Variants in RAF1 observed in about 807,000 individuals in gnomAD.
RAF1 encodes RAF proto-oncogene serine/threonine-protein kinase.
In RAF1, 27 loss-of-function variants were observed where a neutral mutation model predicts 81.1. The observed-to-expected ratio is 0.33, with a 90% confidence interval of 0.25 to 0.46. The LOEUF is 0.46. Among genes scored for constraint, RAF1 ranks in the 20% least tolerant of loss-of-function variants. The pLI is 1.00. For missense variants in RAF1, 598 were observed against 826.0 expected (o/e 0.72, Z 3.38); for synonymous variants, 298 against 294.0 (o/e 1.01, Z -0.14).
At chr3:12,612,469 T>A (rs918622251) in intron 2 of RAF1, among the ~76,000 whole-genome samples, 3 of 151,724 alleles carry the variant, frequency 2.0e-5, no homozygotes, top group Non-Finnish European at 4.4e-5. Flanking sequence ...GCCAACATGG[T>A]GAAACCCCGT....
chr3:12,649,520 G>C (rs1263849375), intron 1 of RAF1, among the ~76,000 whole-genome samples: 4 of 151,680 alleles, frequency 2.6e-5, no homozygotes, highest in African/African-American at 9.7e-5. Flanking sequence ...GATCACTTGA[G>C]CACAGGAGTT....
chr3:12,618,892 A>G (rs772036331), intron 1 of RAF1, 145 bp from the exon 2 acceptor site: 20 of 674,664 alleles, frequency 3.0e-5, no homozygotes, highest in Non-Finnish European at 4.4e-5. Flanking sequence ...AGTTTCTTTA[A>G]TAGTACACTT....
intron 8 of RAF1, among the ~76,000 whole-genome samples, chr3:12,601,293 T>A (rs914041205): frequency 1.3e-5 from 2 of 152,114 alleles, no homozygotes; most frequent in Non-Finnish European, 2.9e-5. Context: ...CCAGAAACCA[T>A]CATATATGGA....
chr3:12,622,439 T>C (rs1041321548), intron 1 of RAF1, among the ~76,000 whole-genome samples: 4 of 152,202 alleles, frequency 2.6e-5, no homozygotes, highest in African/African-American at 7.2e-5. Context: ...ATGCCAGACT[T>C]TGTGCCTCAA....
At chr3:12,656,639 G>A (rs991418049) in intron 1 of RAF1, among the ~76,000 whole-genome samples, 1 of 152,126 alleles carries the variant, frequency 6.6e-6, no homozygotes, top group African/African-American at 2.4e-5. Flanking sequence ...ATGCCCCACT[G>A]GAAATATATA....
In RAF1 at chr3:12,663,838, T is replaced by C. The variant is rs952177043; in HGVS notation, c.-52A>G. On this transcript the variant is annotated 5_prime_UTR_variant, in exon 1 of 18. Coordinates refer to ENST00000442415, the MANE Select transcript of RAF1 (RefSeq NM_001354689.3). ...CTGAGGGAGCCAGGCCGCCCCAACG[T>C]CCTGTCGTTCGGCGGCAGCTTCTCG... The C allele has an allele frequency of 2.5e-6, 1 of 397,568 alleles. No homozygotes were observed. Among genetic ancestry groups the C allele is most frequent in the African/African-American group, 2.1e-5 (1 of 48,562 alleles). 24.6% of individuals were successfully genotyped at this position (397,568 alleles called of 1,614,324 possible).
At chr3:12,621,468 C>T (rs1357373695) in intron 1 of RAF1, among the ~76,000 whole-genome samples, 1 of 152,182 alleles carries the variant, frequency 6.6e-6, no homozygotes, top group African/African-American at 2.4e-5. Context: ...TCTTAGATGA[C>T]AGCTAAGAAA....
At chr3:12,644,650 T>C (rs370772379) in intron 1 of RAF1, among the ~76,000 whole-genome samples, 23 of 152,280 alleles carry the variant, frequency 1.5e-4, no homozygotes, top group African/African-American at 5.1e-4. Flanking sequence ...CCTTTCTGAG[T>C]AGGGAAACAC....
Position 12,612,108 on chromosome 3 carries a change from C to T in RAF1, c.208-46G>A, listed in dbSNP as rs976358005. On this transcript the variant is annotated intron_variant, in intron 2 of 17. Transcript: ENST00000442415. ...TTAGGACCAACACAGGCTGCAGCAC[C>T]CCTTGGAAAGGTGGGCACAGAAATA... 2.0e-6 allele frequency: 3 copies of T among 1,486,404 alleles called. No homozygotes were observed. In the African/African-American group the frequency reaches 4.1e-5, roughly 21 times the overall value. The allele number at this position is 1,486,404 out of a possible 1,614,324, so 92.1% of individuals were successfully genotyped here. A position where few individuals can be genotyped will look rare whatever the true frequency, so the allele number is the denominator to read the frequency against.
At chr3:12,592,897 G>A (rs1379847689) in intron 11 of RAF1, among the ~76,000 whole-genome samples, 6 of 149,182 alleles carry the variant, frequency 4.0e-5, no homozygotes, top group Non-Finnish European at 8.9e-5. Context: ...CACCACGTCT[G>A]GCTAATTTTT....
chr3:12,640,265 C>T (rs1474374161), intron 1 of RAF1, among the ~76,000 whole-genome samples: 4 of 152,066 alleles, frequency 2.6e-5, no homozygotes, highest in Non-Finnish European at 5.9e-5. Context: ...CATAAAAACC[C>T]TACAAGAAAA....
intron 1 of RAF1, among the ~76,000 whole-genome samples, chr3:12,639,083 T>C (rs780714954): frequency 1.5e-4 from 22 of 151,400 alleles, no homozygotes; most frequent in Admixed American, 2.6e-4. Context: ...TGGTTCAACA[T>C]ACATAATCCA....
In RAF1 at chr3:12,660,753, G is replaced by A. The variant is rs1303400558; in HGVS notation, c.-27+3060C>T. ...GCACTTTGCAAGGCCAAGGCGGGTA[G>A]ATCACAAGGTCAGGAGTTCAAGACC... On this transcript the variant is annotated intron_variant, in intron 1 of 17. Transcript: ENST00000442415. Among the ~76,000 whole-genome samples the A allele has an allele frequency of 2.6e-5, 4 of 152,152 alleles. No individual in the cohort carries two copies. The East Asian group carries it at 7.7e-4, about 29-fold the overall frequency.
At chr3:12,637,149 G>T (rs1289578036) in intron 1 of RAF1, among the ~76,000 whole-genome samples, 3 of 152,108 alleles carry the variant, frequency 2.0e-5, no homozygotes, top group Non-Finnish European at 4.4e-5. Flanking sequence ...GTGAAAAGCT[G>T]AACTCGCTCA....
rs983999914 is a variant in RAF1, at chr3:12,608,929, A to G, written c.424-6T>C. 2 of 1,613,988 alleles carry G rather than the reference A, an allele frequency of 1.2e-6. No homozygotes were observed. The highest frequency in any genetic ancestry group is 1.7e-5 in the Admixed American group (1 of 59,998). On this transcript the variant is annotated splice_region_variant and splice_polypyrimidine_tract_variant and intron_variant, in intron 4 of 17. Transcript: ENST00000442415. ...TTCAGGAACGTCTTCCGAGCCTACA[A>G]CAAGAACACAGGTGTAAATTATGCT...
At chr3:12,640,370 G>T (rs1225351156) in intron 1 of RAF1, among the ~76,000 whole-genome samples, 1 of 152,108 alleles carries the variant, frequency 6.6e-6, no homozygotes, top group Non-Finnish European at 1.5e-5. Flanking sequence ...TGACAAATGG[G>T]ATCTAATTAA....
At chr3:12,584,803 A>G in intron 17 of RAF1, 44 bp downstream of exon 16, 1 of 1,613,936 alleles carries the variant, frequency 6.2e-7, no homozygotes, top group South Asian at 1.1e-5. Context: ...ATCTTTACGA[A>G]CCAACCCATG....
chr3:12,642,442 G>T (rs1175849933), intron 1 of RAF1, among the ~76,000 whole-genome samples: 3 of 151,378 alleles, frequency 2.0e-5, no homozygotes, highest in Non-Finnish European at 2.9e-5. Context: ...AACCCAGGAG[G>T]CAGAGCTTGC....
chr3:12,591,782 T>C lies in RAF1; in HGVS notation c.1179A>G (p.Ala393=), dbSNP rs2058521611. The C allele has an allele frequency of 6.2e-7, 1 of 1,613,968 alleles. No individual in the cohort carries two copies. The highest frequency in any genetic ancestry group is 8.5e-7 in the Non-Finnish European group (1 of 1,179,776). The change falls in exon 12 of 18, where the codon GCA becomes GCG. Residue 393 remains alanine, a synonymous_variant. Transcript: ENST00000442415. ...GGTCGACAACCTTTAGGATCTTTAC[T>C]GCAACATCTCCTGCAAAATTAGTTG...
Sources: allele counts gnomAD v4.1 joint callset (sites outside exome capture counted in the v4.1 genomes callset), GRCh38; gene constraint gnomAD v4.1.1; transcripts MANE v1.5; gene names NCBI Gene and HGNC (gene_info 2026-07-23, HGNC 2026-07-21).